Variants in DNAH6 observed in about 807,000 individuals in gnomAD.
The protein encoded by DNAH6 is axonemal beta dynein heavy chain 6.
A neutral mutation model predicts 491.4 loss-of-function variants in DNAH6; 340 were observed. The observed-to-expected ratio is 0.69, with a 90% CI of 0.63 to 0.76. DNAH6 has a LOEUF of 0.76. Ranked by LOEUF, DNAH6 falls within the 30% of genes least tolerant of loss-of-function variation. DNAH6 has a pLI of 0.00. For missense variants in DNAH6, 4,443 were observed against 4,972.2 expected, an observed-to-expected ratio of 0.89 and a Z score of 3.20; for synonymous variants, 1,603 against 1,686.1, an observed-to-expected ratio of 0.95 and a Z score of 1.21.
intron 33 of DNAH6, among the ~76,000 whole-genome samples, chr2:84,645,428 A>G (rs755085905): frequency 5.9e-4 from 90 of 152,220 alleles, no homozygotes; most frequent in Non-Finnish European, 1.1e-3. Flanking sequence ...TCAAAAAATA[A>G]TAATAATAAT....
chr2:84,796,474 T>G, intron 69 of DNAH6, 49 bp downstream of exon 69: 2 of 1,433,100 alleles, frequency 1.4e-6, no homozygotes, highest in Non-Finnish European at 1.9e-6. Context: ...AAGAAGATGT[T>G]GACAGCATCT....
intron 4 of DNAH6, among the ~76,000 whole-genome samples, chr2:84,534,805 T>G (rs987272594): frequency 6.6e-6 from 1 of 152,038 alleles, no homozygotes; most frequent in Admixed American, 6.6e-5. Flanking sequence ...TTTCAAAGCT[T>G]AATTTTCAAA....
At chr2:84,503,620 G>A in the DNAH6 span, among the ~76,000 whole-genome samples, 1 of 151,724 alleles carries the variant, frequency 6.6e-6, no homozygotes, top group Non-Finnish European at 1.5e-5. Flanking sequence ...TTTAGGAAAG[G>A]CTTTATTTCT....
At chr2:84,554,637 T>C (rs1679843013) in intron 10 of DNAH6, among the ~76,000 whole-genome samples, 2 of 152,236 alleles carry the variant, frequency 1.3e-5, no homozygotes, top group Admixed American at 1.3e-4. Context: ...CATTGATTCC[T>C]CCTCCACAGT....
chr2:84,637,762 GCCT>G (rs1380425633), intron 31 of DNAH6, among the ~76,000 whole-genome samples: 4 of 152,154 alleles, frequency 2.6e-5, no homozygotes, highest in South Asian at 2.1e-4. Context: ...CTAAGTAGAA[GCCT>G]CCTCACTATG....
intron 70 of DNAH6, 146 bp from the exon 71 acceptor site, chr2:84,805,519 A>C: frequency 1.5e-6 from 1 of 680,950 alleles, no homozygotes; most frequent in Non-Finnish European, 2.2e-6. Flanking sequence ...TCTCATGTTA[A>C]TTGTTCTTAC....
intron 63 of DNAH6, among the ~76,000 whole-genome samples, chr2:84,755,095 C>T (rs1382987448): frequency 6.6e-6 from 1 of 152,122 alleles, no homozygotes; most frequent in South Asian, 2.1e-4. Context: ...AAATGTGTTC[C>T]CCAAAGTTCC....
the DNAH6 span, among the ~76,000 whole-genome samples, chr2:84,494,207 T>C: frequency 1.3e-5 from 2 of 152,212 alleles, no homozygotes; most frequent in Non-Finnish European, 2.9e-5. Context: ...GACTCACACG[T>C]TGGTCTCTCT....
Position 84,701,302 on chromosome 2 carries a change from T to G in DNAH6, c.8024T>G (p.Leu2675Arg), listed in dbSNP as rs1344583338. 1.9e-6 allele frequency: 3 copies of G among 1,550,852 alleles called. No homozygotes were observed. In the African/African-American group the frequency reaches 4.1e-5, roughly 21 times the overall value. The change falls in exon 49 of 77, where the codon CTG becomes CGG. Residue 2675 changes from leucine to arginine, a missense_variant. Transcript: ENST00000389394. The stretch of plus-strand genomic sequence containing the variant: ...TACCTGGAGCTTATCAATCTTTACC[T>G]GTCTATGCTGTCTGAAAAAAGGAAG... Reference protein sequence around the residue: ...TSYLELINLYLSMLSEKRKQI... With the variant: ...TSYLELINLYRSMLSEKRKQI...
At chr2:84,753,755 TAAAAAAAAAAAAAA>T (rs1162541312) in intron 63 of DNAH6, among the ~76,000 whole-genome samples, 1 of 77,144 alleles carries the variant, frequency 1.3e-5, no homozygotes, top group Non-Finnish European at 2.2e-5. Context: ...GAAACTCTGT[TAAAAAAAAAAAAAA>T]AAAAAAAAAA....
Position 84,669,485 on chromosome 2 carries a change from T to A in DNAH6, c.6281T>A (p.Phe2094Tyr). ...KLLAVKHSVL[F>Y]TGITGVGKSV... Reference sequence around the variant, plus strand: ...CTGGCAGTCAAGCATTCCGTGTTGTTTACTGGAATAACTGGAGTGGGCAAG... The same window carrying A: ...CTGGCAGTCAAGCATTCCGTGTTGTATACTGGAATAACTGGAGTGGGCAAG... The change falls in exon 38 of 77, where the codon TTT becomes TAT. Residue 2094 changes from phenylalanine (F) to tyrosine (Y), a missense_variant. By Grantham distance (22) the Phe-to-Tyr change is conservative (BLOSUM62 3). This residue lies in a region of DNAH6 where 2,977 missense variants were observed against 3,296.6 expected (regional missense o/e 0.90). Coordinates refer to ENST00000389394, the MANE Select transcript of DNAH6 (RefSeq NM_001370.2). 1 of 1,551,768 alleles carries A rather than the reference T, an allele frequency of 6.4e-7. No individual in the cohort carries two copies. Among genetic ancestry groups the A allele is most frequent in the Non-Finnish European group, 8.7e-7 (1 of 1,146,980 alleles).
intron 64 of DNAH6, among the ~76,000 whole-genome samples, chr2:84,771,145 G>T (rs926366574): frequency 6.6e-6 from 1 of 151,934 alleles, no homozygotes; most frequent in African/African-American, 2.4e-5. Flanking sequence ...AAAATTTGCC[G>T]GGTGTAGTGG....
chr2:84,652,986 T>G (rs963164865), intron 33 of DNAH6, among the ~76,000 whole-genome samples: 2 of 151,930 alleles, frequency 1.3e-5, no homozygotes, highest in African/African-American at 4.8e-5. Flanking sequence ...TTTTAATAAT[T>G]AAAAATAAGT....
At chr2:84,642,782 G>A (rs1689545165) in intron 33 of DNAH6, among the ~76,000 whole-genome samples, 1 of 151,750 alleles carries the variant, frequency 6.6e-6, no homozygotes, top group Non-Finnish European at 1.5e-5. Context: ...CATCCCTTGT[G>A]TCATTGCTGT....
the DNAH6 span, among the ~76,000 whole-genome samples, chr2:84,488,290 T>C: frequency 1.3e-5 from 2 of 152,034 alleles, no homozygotes; most frequent in Admixed American, 1.3e-4. Context: ...TAAAAGTTAG[T>C]GGGTGCAGTG....
intron 61 of DNAH6, among the ~76,000 whole-genome samples, chr2:84,732,915 G>A (rs1313637573): frequency 2.0e-5 from 3 of 152,212 alleles, no homozygotes; most frequent in Admixed American, 1.3e-4. Flanking sequence ...CCACATGTAA[G>A]TGCTTCATGG....
In DNAH6 at chr2:84,557,513, G is replaced by A. The variant is rs906163146; in HGVS notation, c.1603-222G>A. 5.3e-5 allele frequency among the ~76,000 whole-genome samples: 8 copies of A among 150,674 alleles called. No individual in the cohort carries two copies. The South Asian group carries it at 6.3e-4, about 12-fold the overall frequency. On this transcript the variant is annotated intron_variant, in intron 10 of 76. Transcript: ENST00000389394. ...TACAAAAAAAAAATTAGCTGGGCGCGGTGGCGGGCGCCTGTAGTCCCAGCT... is the reference window on the plus strand; with the variant it reads ...TACAAAAAAAAAATTAGCTGGGCGCAGTGGCGGGCGCCTGTAGTCCCAGCT...
At chr2:84,567,284 C>A (rs558151178) in intron 11 of DNAH6, among the ~76,000 whole-genome samples, 1 of 151,960 alleles carries the variant, frequency 6.6e-6, no homozygotes, top group African/African-American at 2.4e-5. Context: ...ACATTCTTCA[C>A]AGAAATAGAA....
rs76014009 is a variant in DNAH6, at chr2:84,619,552, C to T, written c.3573-133C>T. ...GAGATATGTGGCTTCCCCAGAAACC[C>T]ATGACCAGTATAATTGGAGGTCCAG... On this transcript the variant is annotated intron_variant, in intron 23 of 76. Transcript: ENST00000389394. 9,175 of 759,464 alleles carry T rather than the reference C, an allele frequency of 0.012. 601 individuals are homozygous for T. In the African/African-American group the frequency reaches 0.14, roughly 12 times the overall value. The allele number at this position is 759,464 out of a possible 1,614,324, so 47.0% of individuals were successfully genotyped here. A position where few individuals can be genotyped will look rare whatever the true frequency, so the allele number is the denominator to read the frequency against.
Sources: gnomAD v4.1 joint callset for allele counts (sites outside exome capture counted in the v4.1 genomes callset) on GRCh38, gnomAD v4.1.1 for gene constraint, gnomAD v4.1.1 regional missense constraint, MANE v1.5 for transcripts, NCBI Gene and HGNC (gene_info 2026-07-23, HGNC 2026-07-21) for gene names.